Variants in DENND1A observed in about 807,000 individuals in gnomAD.
The protein encoded by DENND1A is DENN domain containing 1A.
A neutral mutation model predicts 113.7 loss-of-function variants in DENND1A; 51 were observed. The ratio of observed to expected loss-of-function variants is 0.45; its 90% CI spans 0.36 to 0.57. The LOEUF (loss-of-function observed/expected upper bound fraction) is 0.57, where lower values mean the gene tolerates loss of function less well. Ranked by LOEUF, DENND1A falls within the 20% of genes least tolerant of loss-of-function variation. DENND1A has a pLI of 0.00. For synonymous variants in DENND1A, 565 were observed against 570.8 expected (o/e 0.99, Z 0.14); for missense variants, 1,258 against 1,395.9 (o/e 0.90, Z 1.57).
At chr9:123,548,782 G>A (rs1347806851) in intron 13 of DENND1A, among the ~76,000 whole-genome samples, 1 of 152,206 alleles carries the variant, frequency 6.6e-6, no homozygotes, top group Non-Finnish European at 1.5e-5. Context: ...TGAACCTGGT[G>A]AACATGATGC....
chr9:123,875,943 G>A (rs1467305018), intron 2 of DENND1A, among the ~76,000 whole-genome samples: 2 of 152,086 alleles, frequency 1.3e-5, no homozygotes, highest in Non-Finnish European at 2.9e-5. Context: ...CTGAAGAACT[G>A]GATAACATTA....
At position 123,452,980 on chromosome 9, in the gene DENND1A, C is replaced by G. The variant is rs569104597; in HGVS notation, c.1228-633G>C. Among the ~76,000 whole-genome samples the G allele has an allele frequency of 4.6e-5, 7 of 152,330 alleles. No individual in the cohort carries two copies. In the South Asian group the frequency reaches 1.4e-3, roughly 32 times the overall value. Reference sequence around the variant, plus strand: ...TTAGTTAAATCCAACACAGCAATTTCTCGCTCACTTTCTTTAGGAGCAAAA... The same window carrying G: ...TTAGTTAAATCCAACACAGCAATTTGTCGCTCACTTTCTTTAGGAGCAAAA... On this transcript the variant is annotated intron_variant, in intron 16 of 23. Transcript: ENST00000394215.
chr9:123,778,282 C>A (rs7854318), intron 3 of DENND1A, among the ~76,000 whole-genome samples: 1,583 of 152,288 alleles, frequency 0.01, 33 homozygotes, highest in African/African-American at 0.035. Context: ...AAATTAAACA[C>A]AACAGTGGTA....
At chr9:123,524,882 C>T (rs2054689831) in intron 13 of DENND1A, among the ~76,000 whole-genome samples, 1 of 152,236 alleles carries the variant, frequency 6.6e-6, no homozygotes, top group South Asian at 2.1e-4. Flanking sequence ...ACTTAGCTAC[C>T]TTGCAGGAGG....
At chr9:123,457,989 A>C in intron 13 of DENND1A, 92 bp from the exon 14 acceptor site, 2 of 871,572 alleles carry the variant, frequency 2.3e-6, no homozygotes, top group Non-Finnish European at 3.4e-6. Flanking sequence ...TCCATCTGCT[A>C]TTTTTTTTCT....
chr9:123,420,322 G>C (rs2045149822), intron 19 of DENND1A, among the ~76,000 whole-genome samples: 1 of 152,226 alleles, frequency 6.6e-6, no homozygotes, highest in South Asian at 2.1e-4. Context: ...ACATAGGTAG[G>C]ACGCAGAGAG....
chr9:123,496,789 C>T (rs189386846), intron 13 of DENND1A, among the ~76,000 whole-genome samples: 3 of 152,332 alleles, frequency 2.0e-5, no homozygotes, highest in Admixed American at 6.5e-5. Flanking sequence ...CGCTGGTACA[C>T]GTAGGGGGAA....
At chr9:123,558,767 G>A (rs926732766) in intron 12 of DENND1A, among the ~76,000 whole-genome samples, 6 of 152,296 alleles carry the variant, frequency 3.9e-5, no homozygotes, top group South Asian at 4.1e-4. Flanking sequence ...AAGATGCCAC[G>A]CTTCAGAGCA....
chr9:123,501,477 T>C (rs1409445728), intron 13 of DENND1A, among the ~76,000 whole-genome samples: 1 of 152,212 alleles, frequency 6.6e-6, no homozygotes, highest in Non-Finnish European at 1.5e-5. Context: ...TGGGTATATA[T>C]TCAGTAGTGA....
intron 5 of DENND1A, among the ~76,000 whole-genome samples, chr9:123,753,387 C>G (rs1447563930): frequency 6.6e-6 from 1 of 152,202 alleles, no homozygotes; most frequent in African/African-American, 2.4e-5. Context: ...AAAAACCTTT[C>G]ATTGTGAAAT....
At chr9:123,511,392 C>T (rs1294966344) in intron 13 of DENND1A, among the ~76,000 whole-genome samples, 1 of 152,222 alleles carries the variant, frequency 6.6e-6, no homozygotes, top group African/African-American at 2.4e-5. Context: ...TCAGGAAGCA[C>T]CTGCTGCCAC....
chr9:123,438,789 C>T (rs1297475329), intron 19 of DENND1A, among the ~76,000 whole-genome samples: 3 of 152,224 alleles, frequency 2.0e-5, no homozygotes, highest in Admixed American at 6.5e-5. Context: ...CACACATACT[C>T]TTATTCTGCA....
intron 5 of DENND1A, among the ~76,000 whole-genome samples, chr9:123,750,130 A>G (rs965921920): frequency 6.6e-5 from 10 of 152,178 alleles, no homozygotes; most frequent in African/African-American, 1.9e-4. Context: ...TGTCCTTCCA[A>G]CTGCGCAGCT....
chr9:123,580,633 G>T (rs2058843620), intron 12 of DENND1A, among the ~76,000 whole-genome samples: 1 of 152,294 alleles, frequency 6.6e-6, no homozygotes, highest in Non-Finnish European at 1.5e-5. Flanking sequence ...CTAGGCATTT[G>T]CCTGGTCCAT....
intron 21 of DENND1A, among the ~76,000 whole-genome samples, chr9:123,399,135 T>G (rs1255407109): frequency 6.6e-6 from 1 of 152,122 alleles, no homozygotes; most frequent in Non-Finnish European, 1.5e-5. Flanking sequence ...TGAACCTCAC[T>G]GTGCTCACTG....
rs78538897 is a variant in DENND1A at position 123,863,106 on chromosome 9, G to A, written c.88+15845C>T. On this transcript the variant is annotated intron_variant, in intron 2 of 23. Coordinates refer to ENST00000394215, the MANE Select transcript of DENND1A (RefSeq NM_001352964.2). ...TGACAATGAGACAATTCTGGCCAATGGCCCTACTTAGAGAACTTTGACAAC... is the reference window on the plus strand; with the variant it reads ...TGACAATGAGACAATTCTGGCCAATAGCCCTACTTAGAGAACTTTGACAAC... 9.8e-3 allele frequency among the ~76,000 whole-genome samples: 1,493 copies of A among 152,254 alleles called. 14 individuals are homozygous for A. The highest frequency in any genetic ancestry group is 0.021 in the East Asian group (108 of 5,176).
At chr9:123,535,461 G>A (rs10818830) in intron 13 of DENND1A, among the ~76,000 whole-genome samples, 41,731 of 151,740 alleles carry the variant, frequency 0.28, 6,370 homozygotes, top group African/African-American at 0.4. Flanking sequence ...AGCCCCCAAC[G>A]ATTGAAACTC....
chr9:123,506,400 G>A (rs938268535), intron 13 of DENND1A, among the ~76,000 whole-genome samples: 3 of 151,918 alleles, frequency 2.0e-5, no homozygotes, highest in Non-Finnish European at 4.4e-5. Flanking sequence ...TGGGCAACAT[G>A]GTGAAACCTT....
At chr9:123,625,487 T>C (rs944192768) in intron 10 of DENND1A, among the ~76,000 whole-genome samples, 1 of 152,266 alleles carries the variant, frequency 6.6e-6, no homozygotes, top group African/African-American at 2.4e-5. Flanking sequence ...CTCATGCCTG[T>C]AATCCCAGTA....
Sources: allele counts gnomAD v4.1 joint callset (sites outside exome capture counted in the v4.1 genomes callset), GRCh38; gene constraint gnomAD v4.1.1; transcripts MANE v1.5; gene names NCBI Gene and HGNC (gene_info 2026-07-23, HGNC 2026-07-21).